Variants in NOX4 observed in about 807,000 individuals in gnomAD.
NOX4 encodes kidney oxidase-1.
Under a neutral mutation model 87.6 loss-of-function variants are expected in NOX4, and 69 were observed. The ratio of observed to expected loss-of-function variants is 0.79; its 90% CI spans 0.65 to 0.96. The LOEUF is 0.96. NOX4 is among the 40% of genes least tolerant of loss of function. The probability of loss-of-function intolerance (pLI) is 0.00; values close to 1 mark genes in which losing one functional copy is unlikely to be tolerated. For missense variants in NOX4, 680 were observed against 681.5 expected (o/e 1.00, Z 0.02); for synonymous variants, 275 against 238.2 (o/e 1.15, Z -1.42).
At chr11:89,515,342 A>T in the NOX4 span, among the ~76,000 whole-genome samples, 1 of 151,844 alleles carries the variant, frequency 6.6e-6, no homozygotes, top group Admixed American at 6.6e-5. Context: ...TCATATGTTT[A>T]TGGCTATGTC....
intron 11 of NOX4, among the ~76,000 whole-genome samples, chr11:89,388,427 G>A (rs1442154540): frequency 5.3e-5 from 8 of 152,072 alleles, no homozygotes; most frequent in African/African-American, 1.9e-4. Context: ...TCAGTTGGGG[G>A]TTACAAAGAT....
the NOX4 span, among the ~76,000 whole-genome samples, chr11:89,518,004 T>G: frequency 2.0e-5 from 3 of 152,056 alleles, no homozygotes; most frequent in Non-Finnish European, 4.4e-5. Context: ...AAAAAAGCAT[T>G]GTTAGTATAG....
the NOX4 span, among the ~76,000 whole-genome samples, chr11:89,582,975 T>C: frequency 1.3e-5 from 2 of 152,174 alleles, no homozygotes; most frequent in African/African-American, 4.8e-5. Context: ...TAGCCTGCTA[T>C]AAATAACTGA....
the NOX4 span, among the ~76,000 whole-genome samples, chr11:89,512,087 C>T: frequency 6.6e-6 from 1 of 151,944 alleles, no homozygotes; most frequent in Non-Finnish European, 1.5e-5. Flanking sequence ...GCATCGTTTC[C>T]TCTTAATGAA....
At chr11:89,450,499 A>G (rs915287267) in intron 3 of NOX4, among the ~76,000 whole-genome samples, 4 of 152,196 alleles carry the variant, frequency 2.6e-5, no homozygotes, top group Non-Finnish European at 5.9e-5. Flanking sequence ...TTTGTTGATT[A>G]GCAGAATGAC....
At chr11:89,545,210 A>C in the NOX4 span, 10 of 152,160 alleles carry the variant, frequency 6.6e-5, no homozygotes, top group Non-Finnish European at 1.5e-4. Context: ...ATCAGATGCT[A>C]GGCATTTAGT....
intron 7 of NOX4, among the ~76,000 whole-genome samples, chr11:89,430,559 A>G (rs910994284): frequency 5.7e-4 from 87 of 152,290 alleles, no homozygotes; most frequent in African/African-American, 1.8e-3. Context: ...ATACACCAAT[A>G]ACAGACAAAC....
chr11:89,531,979 G>C, the NOX4 span, among the ~76,000 whole-genome samples: 467 of 152,272 alleles, frequency 3.1e-3, no homozygotes, highest in Admixed American at 7.8e-3. Flanking sequence ...TGTGGTGTGG[G>C]GCCTGTGGGT....
chr11:89,491,757 CACACACACAA>C (rs1362482924), upstream of NOX4, among the ~76,000 whole-genome samples: 93 of 144,468 alleles, frequency 6.4e-4, no homozygotes, highest in African/African-American at 2.3e-3. Flanking sequence ...CACACACACA[CACACACACAA>C]GAAGACACAG....
chr11:89,421,613 T>C (rs887838803), intron 8 of NOX4, among the ~76,000 whole-genome samples: 1 of 152,194 alleles, frequency 6.6e-6, no homozygotes, highest in African/African-American at 2.4e-5. Context: ...AATTTTTTCA[T>C]TTAGAAGATA....
chr11:89,357,529 A>C (rs2134987510), intron 12 of NOX4, among the ~76,000 whole-genome samples: 1 of 152,244 alleles, frequency 6.6e-6, no homozygotes, highest in South Asian at 2.1e-4. Context: ...TTAAATGAGT[A>C]ATGTGTAATG....
At chr11:89,532,973 C>G in the NOX4 span, among the ~76,000 whole-genome samples, 2 of 152,076 alleles carry the variant, frequency 1.3e-5, no homozygotes, top group African/African-American at 2.4e-5. Flanking sequence ...TGAGGCCTCC[C>G]CAGACATGCG....
the NOX4 span, among the ~76,000 whole-genome samples, chr11:89,520,795 TA>T: frequency 6.6e-6 from 1 of 152,244 alleles, no homozygotes; most frequent in East Asian, 1.9e-4. Flanking sequence ...TAGAAAACTC[TA>T]AAGGCTATGC....
chr11:89,389,848 T>C (rs889438345), intron 11 of NOX4, among the ~76,000 whole-genome samples: 20 of 152,152 alleles, frequency 1.3e-4, no homozygotes, highest in Non-Finnish European at 2.5e-4. Context: ...TGTGTGACTT[T>C]GGGCATGCTA....
At chr11:89,560,330 A>G in the NOX4 span, among the ~76,000 whole-genome samples, 3 of 152,058 alleles carry the variant, frequency 2.0e-5, no homozygotes, top group Non-Finnish European at 4.4e-5. Flanking sequence ...CAATATCTTG[A>G]TTTTGGGCCT....
chr11:89,577,210 A>G, the NOX4 span: 1 of 152,110 alleles, frequency 6.6e-6, no homozygotes, highest in Non-Finnish European at 1.5e-5. Context: ...AATTACCCAA[A>G]TATTTTAAAT....
At chr11:89,491,061 G>T in intron 1 of NOX4, 129 bp downstream of exon 1, 1 of 955,982 alleles carries the variant, frequency 1.0e-6, no homozygotes, top group South Asian at 1.5e-5. Flanking sequence ...ATAAAGTTTT[G>T]TAAGTTGAGA....
At chr11:89,527,882 A>G in the NOX4 span, among the ~76,000 whole-genome samples, 2 of 152,190 alleles carry the variant, frequency 1.3e-5, no homozygotes, top group Non-Finnish European at 2.9e-5. Context: ...GAGCTCTGAG[A>G]AGAGGACCAT....
Position 89,432,759 on chromosome 11 carries a change from C to A in NOX4, c.548+25G>T, listed in dbSNP as rs200375842. On this transcript the variant is annotated intron_variant, in intron 7 of 17. Transcript: ENST00000263317. ...TCTAAATAACCTGACAGATACACAT[C>A]AAAATAATTGATTCTGACACTTACC... The A allele has an allele frequency of 1.1e-3, 1,670 of 1,535,728 alleles. 1 individual carries two copies. The highest frequency in any genetic ancestry group is 1.4e-3 in the Non-Finnish European group (1,514 of 1,111,002).
Sources: gnomAD v4.1 joint callset for allele counts (sites outside exome capture counted in the v4.1 genomes callset) on GRCh38, gnomAD v4.1.1 for gene constraint, MANE v1.5 for transcripts, NCBI Gene and HGNC (gene_info 2026-07-23, HGNC 2026-07-21) for gene names.